The following ZDHHC15 variants were observed in gnomAD, a reference collection of about 807,000 sequenced individuals.
ZDHHC15 encodes palmitoyltransferase ZDHHC15.
A neutral mutation model predicts 31.7 loss-of-function variants in ZDHHC15; 19 were observed. The observed-to-expected ratio is 0.60, with a 90% confidence interval of 0.42 to 0.88. The LOEUF (loss-of-function observed/expected upper bound fraction) is 0.88, where lower values mean the gene tolerates loss of function less well. Among genes scored for constraint, ZDHHC15 ranks in the 40% least tolerant of loss-of-function variants. The pLI is 0.00. For synonymous variants in ZDHHC15, 103 were observed against 90.0 expected (o/e 1.14, Z -0.82); for missense variants, 209 against 251.2 (o/e 0.83, Z 1.14).
chrX:75,499,936 T>A (rs971600402), intron 2 of ZDHHC15, among the ~76,000 whole-genome samples: 1 of 111,916 alleles, frequency 8.9e-6, no homozygotes, highest in Admixed American at 9.6e-5. Context: ...TGTATACATA[T>A]CATGGAATAA....
At chrX:75,391,950 T>A (rs1384321454) in intron 10 of ZDHHC15, among the ~76,000 whole-genome samples, 1 of 111,942 alleles carries the variant, frequency 8.9e-6, no homozygotes, top group Non-Finnish European at 1.9e-5. Flanking sequence ...CATAAAAAAA[T>A]TAAAAGCATG....
chrX:75,499,603 A>G (rs955903953), intron 2 of ZDHHC15, among the ~76,000 whole-genome samples: 2 of 111,839 alleles, frequency 1.8e-5, no homozygotes, highest in African/African-American at 6.5e-5. Context: ...AAGAATGGCC[A>G]TAATTTAAAA....
intron 3 of ZDHHC15, among the ~76,000 whole-genome samples, chrX:75,469,894 C>A (rs2084475984): frequency 8.9e-6 from 1 of 111,971 alleles, no homozygotes; most frequent in Non-Finnish European, 1.9e-5. Context: ...TGCTGTTTTA[C>A]AGTTTTTTTT....
Position 75,505,845 on chromosome X carries a change from T to G in ZDHHC15, c.139A>C (p.Thr47Pro). The G allele has an allele frequency of 8.3e-7, 1 of 1,205,028 alleles. No homozygotes were observed. The highest frequency in any genetic ancestry group is 1.1e-6 in the Non-Finnish European group (1 of 890,778). The change falls in exon 2 of 12, where the codon ACT (threonine) becomes CCT (proline). Residue 47 changes from threonine (T) to proline (P), a missense_variant and splice_region_variant. Coordinates refer to ENST00000373367, the MANE Select transcript of ZDHHC15 (RefSeq NM_144969.3). ...CCTTTTTCTGCTGGGCTCAAAACAG[T>G]CACTGTGAAGAGACAGGAGAAAGAG... Reference protein sequence around the residue: ...YAYVFELCLVTVLSPAEKVIY... With the variant: ...YAYVFELCLVPVLSPAEKVIY...
intron 4 of ZDHHC15, among the ~76,000 whole-genome samples, chrX:75,433,396 T>G (rs1250812841): frequency 9.0e-6 from 1 of 110,934 alleles, no homozygotes; most frequent in Non-Finnish European, 1.9e-5. Context: ...CCGTAAACAC[T>G]GTACCCAGCA....
At position 75,368,697 on chromosome X, in the gene ZDHHC15, T is replaced by A. The variant is rs1050828246; in HGVS notation, c.*4281A>T. 2.7e-5 allele frequency: 3 copies of A among 111,758 alleles called. No individual in the cohort carries two copies. The highest frequency in any genetic ancestry group is 5.6e-5 in the Non-Finnish European group (3 of 53,147). 9.2% of individuals were successfully genotyped at this position (111,758 alleles called of 1,213,427 possible). On this transcript the variant is annotated 3_prime_UTR_variant, in exon 12 of 12. Transcript: ENST00000373367. ...ACTGATTAAGCCAGCAGAGTGAAAG[T>A]AATTATTCCTTGAATGCATCTTATC... is the stretch of plus-strand genomic sequence containing the variant.
rs977357630 is a variant in ZDHHC15 at position 75,447,465 on chromosome X, T to G, written c.379+3337A>C. Among the ~76,000 whole-genome samples, 4 of 112,294 alleles carry G rather than the reference T, an allele frequency of 3.6e-5. No individual in the cohort carries two copies. In the Admixed American group the frequency reaches 3.8e-4, roughly 11 times the overall value. ...GTAGGCCCATGCTTGTGGAATTTAC[T>G]GGTGTTATCACGTTCCCCATCATCC... On this transcript the variant is annotated intron_variant, in intron 4 of 11. Coordinates refer to ENST00000373367, the MANE Select transcript of ZDHHC15 (RefSeq NM_144969.3).
intron 10 of ZDHHC15, among the ~76,000 whole-genome samples, chrX:75,413,016 G>C (rs916094050): frequency 9.0e-6 from 1 of 111,184 alleles, no homozygotes; most frequent in Non-Finnish European, 1.9e-5. Flanking sequence ...TAATAATATT[G>C]TATTGTATAC....
At chrX:75,481,099 T>G (rs1006029569) in intron 2 of ZDHHC15, among the ~76,000 whole-genome samples, 1 of 111,126 alleles carries the variant, frequency 9.0e-6, no homozygotes, top group African/African-American at 3.3e-5. Context: ...GGCAATGCCT[T>G]TAAATTTTTT....
intron 4 of ZDHHC15, among the ~76,000 whole-genome samples, chrX:75,443,404 T>C (rs2083975957): frequency 8.9e-6 from 1 of 111,870 alleles, no homozygotes; most frequent in East Asian, 2.8e-4. Context: ...TTGGGAAAAC[T>C]GGCTAGCCAT....
intron 4 of ZDHHC15, among the ~76,000 whole-genome samples, chrX:75,446,159 C>A (rs1355142314): frequency 1.8e-5 from 2 of 111,959 alleles, no homozygotes; most frequent in African/African-American, 6.5e-5. Context: ...TTGGAAAAAA[C>A]ATAAAGTTGA....
At chrX:75,496,547 G>A (rs1277608855) in intron 2 of ZDHHC15, among the ~76,000 whole-genome samples, 1 of 111,613 alleles carries the variant, frequency 9.0e-6, no homozygotes, top group Non-Finnish European at 1.9e-5. Flanking sequence ...AACTACTGCA[G>A]AATATACATT....
chrX:75,429,807 C>T (rs1055215882), intron 6 of ZDHHC15, 141 bp downstream of exon 6: 6 of 538,781 alleles, frequency 1.1e-5, no homozygotes, highest in African/African-American at 2.4e-5. Flanking sequence ...AATGTTACCC[C>T]TCCCCTGTCC....
intron 10 of ZDHHC15, among the ~76,000 whole-genome samples, chrX:75,392,194 G>A (rs2083251926): frequency 2.7e-5 from 3 of 112,029 alleles, no homozygotes; most frequent in Admixed American, 9.5e-5. Context: ...GAGGAGCAAG[G>A]AGAGCCAGTC....
rs762671451 is a variant in ZDHHC15, at chrX:75,417,082, C to T, written c.967+5G>A. ...GTGGACTTCATAGTCTTTGACCCCACTTACCTTGGTTGTCATCCTCGTTGT... is the reference window on the plus strand; with the variant it reads ...GTGGACTTCATAGTCTTTGACCCCATTTACCTTGGTTGTCATCCTCGTTGT... On this transcript the variant is annotated splice_donor_5th_base_variant and intron_variant, in intron 10 of 11. Transcript: ENST00000373367. 12 of 1,198,241 alleles carry T rather than the reference C, an allele frequency of 1.0e-5. No homozygotes were observed. Among genetic ancestry groups the T allele is most frequent in the Non-Finnish European group, 1.4e-5 (12 of 884,318 alleles).
chrX:75,378,006 AT>A lies in ZDHHC15; in HGVS notation c.*32+1113del, dbSNP rs779421129. 4.4e-5 allele frequency among the ~76,000 whole-genome samples: 5 copies of A among 112,487 alleles called. No individual in the cohort carries two copies. In the South Asian group the frequency reaches 1.9e-3, roughly 42 times the overall value. ...ACCCAAATCTAGATATTACTATCAT[AT>A]AAGTTGTCTTACCTAAACATCAAAC... On this transcript the variant is annotated intron_variant, in intron 11 of 11. Transcript: ENST00000373367.
At chrX:75,483,651 A>G (rs1255444015) in intron 2 of ZDHHC15, among the ~76,000 whole-genome samples, 1 of 112,283 alleles carries the variant, frequency 8.9e-6, no homozygotes, top group Non-Finnish European at 1.9e-5. Context: ...AGTTTCATTG[A>G]TTCATTGATC....
chrX:75,522,739 G>C, intron 1 of ZDHHC15, 150 bp downstream of exon 1: 1 of 755,545 alleles, frequency 1.3e-6, no homozygotes, highest in Non-Finnish European at 1.9e-6. Flanking sequence ...ATTGTGGGAA[G>C]CCAGAGGCTG....
At chrX:75,409,918 C>G (rs2083466504) in intron 10 of ZDHHC15, among the ~76,000 whole-genome samples, 1 of 108,714 alleles carries the variant, frequency 9.2e-6, no homozygotes, top group East Asian at 2.8e-4. Flanking sequence ...AATAAAGAAA[C>G]CAGGTCTAAG....
Sources: allele counts gnomAD v4.1 joint callset (sites outside exome capture counted in the v4.1 genomes callset), GRCh38; gene constraint gnomAD v4.1.1; transcripts MANE v1.5; gene names NCBI Gene and HGNC (gene_info 2026-07-23, HGNC 2026-07-21).